The following RFPL1 variants were observed in gnomAD, a reference collection of about 807,000 sequenced individuals.
RFPL1 encodes the protein ret finger protein like 1, also known as ret finger protein-like 1.
Under a neutral mutation model 9.6 loss-of-function variants are expected in RFPL1, and 6 were observed. The observed-to-expected ratio is 0.62, with a 90% CI of 0.34 to 1.23. The LOEUF (loss-of-function observed/expected upper bound fraction) is 1.23, where lower values mean the gene tolerates loss of function less well. RFPL1 is among the 50% of genes most tolerant of loss of function. RFPL1 has a pLI of 0.03. For synonymous variants in RFPL1, 145 were observed against 149.4 expected (o/e 0.97, Z 0.22); for missense variants, 352 against 398.4 (o/e 0.88, Z 0.99).
chr22:29,390,821 C>CAA, the RFPL1 span, among the ~76,000 whole-genome samples: 1 of 149,912 alleles, frequency 6.7e-6, no homozygotes, highest in Middle Eastern at 3.2e-3. Flanking sequence ...GATGGTCTGG[C>CAA]TCTCCTGACC....
the RFPL1 span, among the ~76,000 whole-genome samples, chr22:29,398,383 C>A: frequency 6.6e-6 from 1 of 152,202 alleles, no homozygotes; most frequent in African/African-American, 2.4e-5. Flanking sequence ...CACCATGTGC[C>A]AGACTCCACG....
chr22:29,394,531 A>C, the RFPL1 span, among the ~76,000 whole-genome samples: 1 of 151,984 alleles, frequency 6.6e-6, no homozygotes, highest in East Asian at 1.9e-4. Context: ...TAGTAGAGAA[A>C]GGGTTTCACC....
chr22:29,390,908 A>T, the RFPL1 span, among the ~76,000 whole-genome samples: 1 of 151,122 alleles, frequency 6.6e-6, no homozygotes, highest in Non-Finnish European at 1.5e-5. Flanking sequence ...ACCTTATTCC[A>T]TTTTTAAATC....
chr22:29,390,705 C>T, the RFPL1 span, among the ~76,000 whole-genome samples: 1 of 151,584 alleles, frequency 6.6e-6, no homozygotes, highest in Non-Finnish European at 1.5e-5. Context: ...ACGTCATTCT[C>T]CTGCCTCAGC....
chr22:29,401,216 C>T, the RFPL1 span, among the ~76,000 whole-genome samples: 14 of 152,260 alleles, frequency 9.2e-5, no homozygotes, highest in East Asian at 1.9e-4. Context: ...ACACCTCATT[C>T]GCTACAACCA....
chr22:29,417,508 C>T, the RFPL1 span, among the ~76,000 whole-genome samples: 1 of 148,386 alleles, frequency 6.7e-6, no homozygotes, highest in Non-Finnish European at 1.5e-5. Context: ...GGTTATGAGG[C>T]ACAGGGCTGG....
At chr22:29,402,790 A>G in the RFPL1 span, among the ~76,000 whole-genome samples, 2 of 144,692 alleles carry the variant, frequency 1.4e-5, no homozygotes, top group Non-Finnish European at 3.0e-5. Flanking sequence ...GTGACTTCCA[A>G]TAACAACCCC....
upstream of RFPL1, chr22:29,437,959 T>TC (rs2062816649): frequency 2.5e-6 from 1 of 407,066 alleles, no homozygotes; most frequent in African/African-American, 2.2e-5. Flanking sequence ...TGTGATTTTT[T>TC]TTTTTTTTTT....
chr22:29,415,010 G>A, the RFPL1 span, among the ~76,000 whole-genome samples: 1 of 152,110 alleles, frequency 6.6e-6, no homozygotes, highest in South Asian at 2.1e-4. Context: ...CAAAACCAAA[G>A]TGCAGATAAA....
At chr22:29,410,544 TAG>T in the RFPL1 span, among the ~76,000 whole-genome samples, 1 of 127,958 alleles carries the variant, frequency 7.8e-6, no homozygotes, top group Admixed American at 8.4e-5. Context: ...CTACTATATA[TAG>T]AGATATATAT....
chr22:29,414,582 A>C, the RFPL1 span, among the ~76,000 whole-genome samples: 1 of 152,164 alleles, frequency 6.6e-6, no homozygotes, highest in Non-Finnish European at 1.5e-5. Context: ...CAATTACAGA[A>C]TACTGATTGT....
chr22:29,420,768 A>C, the RFPL1 span, among the ~76,000 whole-genome samples: 5 of 149,534 alleles, frequency 3.3e-5, no homozygotes, highest in African/African-American at 1.2e-4. Flanking sequence ...AACCTCCCAG[A>C]TAGCTGGAAC....
the RFPL1 span, among the ~76,000 whole-genome samples, chr22:29,392,580 G>A: frequency 9.2e-5 from 14 of 151,786 alleles, no homozygotes; most frequent in South Asian, 1.5e-3. Context: ...AGTAGAGATG[G>A]GGTTTTGCCA....
At chr22:29,396,504 C>G in the RFPL1 span, among the ~76,000 whole-genome samples, 3 of 152,192 alleles carry the variant, frequency 2.0e-5, no homozygotes, top group African/African-American at 7.2e-5. Flanking sequence ...GTTAAAGCAG[C>G]ACAAGACAGA....
the RFPL1 span, among the ~76,000 whole-genome samples, chr22:29,405,828 G>A: frequency 6.6e-6 from 1 of 152,128 alleles, no homozygotes; most frequent in African/African-American, 2.4e-5. Context: ...AACACATCTC[G>A]GCCGGGCGCG....
the RFPL1 span, among the ~76,000 whole-genome samples, chr22:29,430,006 A>G: frequency 3.4e-5 from 5 of 148,460 alleles, no homozygotes; most frequent in African/African-American, 1.2e-4. Flanking sequence ...TCCTGAGGTT[A>G]TCAGAAACAA....
the RFPL1 span, among the ~76,000 whole-genome samples, chr22:29,408,858 C>T: frequency 6.6e-6 from 1 of 152,162 alleles, no homozygotes; most frequent in African/African-American, 2.4e-5. Flanking sequence ...GCTAAATATT[C>T]CAAAAAACCC....
At chr22:29,437,519 A>C, upstream of RFPL1, 1 of 1,173,158 alleles carries the variant, frequency 8.5e-7, no homozygotes, top group Non-Finnish European at 1.2e-6. Flanking sequence ...GGATTTACTA[A>C]AGTTACAATT....
At chr22:29,430,421 C>T in the RFPL1 span, among the ~76,000 whole-genome samples, 1 of 151,952 alleles carries the variant, frequency 6.6e-6, no homozygotes, top group Non-Finnish European at 1.5e-5. Flanking sequence ...TATATATACG[C>T]ATTTAAATAT....
Sources: allele counts gnomAD v4.1 joint callset (sites outside exome capture counted in the v4.1 genomes callset), GRCh38; gene constraint gnomAD v4.1.1; transcripts MANE v1.5; gene names NCBI Gene and HGNC (gene_info 2026-07-23, HGNC 2026-07-21).